Variants in CCDC91 observed in about 807,000 individuals in gnomAD.
CCDC91 encodes the protein coiled-coil domain-containing protein 91.
CCDC91 carries 48 observed loss-of-function variants against 63.2 expected under a neutral mutation model. The ratio of observed to expected loss-of-function variants is 0.76; its 90% confidence interval spans 0.60 to 0.97. The LOEUF is 0.97. CCDC91 is among the 50% of genes least tolerant of loss of function. CCDC91 has a pLI of 0.00. For missense variants in CCDC91, 500 were observed against 494.6 expected, an observed-to-expected ratio of 1.01 and a Z score of -0.10; for synonymous variants, 167 against 165.8, an observed-to-expected ratio of 1.01 and a Z score of -0.06.
chr12:28,196,224 T>G (rs1452910188), intron 1 of CCDC91, among the ~76,000 whole-genome samples: 1 of 152,278 alleles, frequency 6.6e-6, no homozygotes, highest in Admixed American at 6.5e-5. Context: ...CTAAATGTTT[T>G]ATGTTGTTTG....
chr12:28,424,698 C>G (rs775579790), intron 8 of CCDC91, among the ~76,000 whole-genome samples: 1 of 152,046 alleles, frequency 6.6e-6, no homozygotes, highest in Non-Finnish European at 1.5e-5. Context: ...GAACACATTT[C>G]TTTCTTCTGT....
chr12:28,403,111 T>A (rs1421799813), intron 8 of CCDC91, among the ~76,000 whole-genome samples: 2 of 152,218 alleles, frequency 1.3e-5, no homozygotes, highest in Non-Finnish European at 2.9e-5. Flanking sequence ...TTTCTTTTCC[T>A]GTGATGTATT....
chr12:28,535,962 T>G (rs1243033713), intron 12 of CCDC91, among the ~76,000 whole-genome samples: 1 of 150,852 alleles, frequency 6.6e-6, no homozygotes, highest in Non-Finnish European at 1.5e-5. Flanking sequence ...CCGGGAGGCG[T>G]AGCTTGCAGT....
At chr12:28,465,822 T>G (rs1207539163) in intron 11 of CCDC91, among the ~76,000 whole-genome samples, 1 of 152,022 alleles carries the variant, frequency 6.6e-6, no homozygotes, top group Non-Finnish European at 1.5e-5. Flanking sequence ...CCAAATAAAC[T>G]AAATAAGACA....
At chr12:28,361,763 T>A (rs1943903791) in intron 6 of CCDC91, among the ~76,000 whole-genome samples, 1 of 151,886 alleles carries the variant, frequency 6.6e-6, no homozygotes, top group Non-Finnish European at 1.5e-5. Context: ...TTTTTGGATG[T>A]GTTAGGAACT....
At chr12:28,472,961 G>A (rs188652615) in intron 11 of CCDC91, among the ~76,000 whole-genome samples, 51 of 152,104 alleles carry the variant, frequency 3.4e-4, no homozygotes, top group African/African-American at 1.1e-3. Context: ...TTTTTAAGCT[G>A]TTGTTGCACA....
intron 3 of CCDC91, among the ~76,000 whole-genome samples, chr12:28,282,121 A>G (rs1948644801): frequency 6.6e-6 from 1 of 152,194 alleles, no homozygotes; most frequent in Non-Finnish European, 1.5e-5. Context: ...AATATTTACA[A>G]TGAATAAAAT....
chr12:28,226,939 A>T (rs2135751906), intron 1 of CCDC91, among the ~76,000 whole-genome samples: 1 of 152,164 alleles, frequency 6.6e-6, no homozygotes, highest in South Asian at 2.1e-4. Context: ...GACAGTTTTG[A>T]GGAGTATTGG....
At chr12:28,239,290 ATGT>A (rs955352198) in intron 1 of CCDC91, among the ~76,000 whole-genome samples, 1 of 152,122 alleles carries the variant, frequency 6.6e-6, no homozygotes, top group African/African-American at 2.4e-5. Context: ...TGGAGCTGTC[ATGT>A]TGTGGGAGGG....
At chr12:28,545,015 A>G (rs891035352) in intron 12 of CCDC91, among the ~76,000 whole-genome samples, 20 of 152,186 alleles carry the variant, frequency 1.3e-4, no homozygotes, top group Admixed American at 3.9e-4. Flanking sequence ...TCTATTTCAG[A>G]AACTTCAGAA....
chr12:28,407,812 C>G lies in CCDC91; in HGVS notation c.762+16401C>G, dbSNP rs143912903. 1.3e-5 allele frequency among the ~76,000 whole-genome samples: 2 copies of G among 152,042 alleles called. 1 individual carries two copies. The highest frequency in any genetic ancestry group is 4.8e-5 in the African/African-American group (2 of 41,506). ...ATATTCAGGTTTACTACATCTTTTG[C>G]TAGATTTATCTCTGACTAGTTCATA... On this transcript the variant is annotated intron_variant, in intron 8 of 12. Coordinates refer to ENST00000536442, the MANE Select transcript of CCDC91 (RefSeq NM_018318.5).
intron 1 of CCDC91, among the ~76,000 whole-genome samples, chr12:28,253,980 G>C (rs1946285723): frequency 6.6e-6 from 1 of 152,064 alleles, no homozygotes; most frequent in Non-Finnish European, 1.5e-5. Flanking sequence ...GCCCTCCTCT[G>C]TACACCAGAC....
At chr12:28,464,179 C>T (rs1362698688) in intron 11 of CCDC91, among the ~76,000 whole-genome samples, 1 of 152,196 alleles carries the variant, frequency 6.6e-6, no homozygotes, top group Non-Finnish European at 1.5e-5. Context: ...CTGATCCTAG[C>T]AGTCAGTAGG....
chr12:28,532,437 G>A (rs1261063441), intron 12 of CCDC91, among the ~76,000 whole-genome samples: 1 of 151,918 alleles, frequency 6.6e-6, no homozygotes, highest in African/African-American at 2.4e-5. Context: ...ATTATTTTTA[G>A]TTTTTAAATA....
chr12:28,319,188 T>G (rs1940221428), intron 6 of CCDC91: 2 of 151,960 alleles, frequency 1.3e-5, no homozygotes, highest in African/African-American at 4.8e-5. Flanking sequence ...TCGGTGAATT[T>G]AAGCAAATAA....
rs772594228 is a variant in CCDC91 at position 28,417,645 on chromosome 12, AC to A, written c.762+26235del. On this transcript the variant is annotated intron_variant, in intron 8 of 12. Transcript: ENST00000536442. ...GATATATATATATATATATATACAC[AC>A]ACACACACATTGTTAAATGATTACC... 8.3e-3 allele frequency among the ~76,000 whole-genome samples: 834 copies of A among 99,934 alleles called. 4 individuals carry two copies. The highest frequency in any genetic ancestry group is 0.017 in the East Asian group (83 of 4,866). 65.6% of individuals were successfully genotyped at this position (99,934 alleles called of 152,430 possible). A position where few individuals can be genotyped will look rare whatever the true frequency, so the allele number is the denominator to read the frequency against.
rs548563992 is a variant in CCDC91, at chr12:28,527,631, G to C, written c.1216-21432G>C. On this transcript the variant is annotated intron_variant, in intron 12 of 12. Coordinates refer to ENST00000536442, the MANE Select transcript of CCDC91 (RefSeq NM_018318.5). ...CATCAGCTATGGGAGTATGGGGGGGGAACATTTGGTAGGTGGGGCCCCATA... is the reference window on the plus strand; with the variant it reads ...CATCAGCTATGGGAGTATGGGGGGGCAACATTTGGTAGGTGGGGCCCCATA... Among the ~76,000 whole-genome samples, 11 of 152,136 alleles carry C rather than the reference G, an allele frequency of 7.2e-5. No homozygotes were observed. The South Asian group carries it at 1.0e-3, about 14-fold the overall frequency.
intron 12 of CCDC91, among the ~76,000 whole-genome samples, chr12:28,546,138 C>T (rs1002197371): frequency 9.2e-5 from 14 of 152,066 alleles, no homozygotes; most frequent in Admixed American, 4.6e-4. Flanking sequence ...GATTCATCCT[C>T]CAAATACAAC....
intron 3 of CCDC91, among the ~76,000 whole-genome samples, chr12:28,273,112 AG>A (rs1947900122): frequency 6.7e-6 from 1 of 150,146 alleles, no homozygotes; most frequent in Admixed American, 6.8e-5. Flanking sequence ...TCCTTCTGAT[AG>A]TTTGCTGAGA....
Sources: allele counts gnomAD v4.1 joint callset (sites outside exome capture counted in the v4.1 genomes callset), GRCh38; gene constraint gnomAD v4.1.1; transcripts MANE v1.5; gene names NCBI Gene and HGNC (gene_info 2026-07-23, HGNC 2026-07-21).